Variants in DHRSX observed in about 807,000 individuals in gnomAD.
DHRSX encodes the protein dehydrogenase/reductase X-linked.
Under a neutral mutation model 34.0 loss-of-function variants are expected in DHRSX, and 31 were observed. The observed-to-expected ratio is 0.91, with a 90% CI of 0.69 to 1.23. DHRSX has a LOEUF of 1.23. Among genes scored for constraint, DHRSX ranks in the 50% most tolerant of loss-of-function variants. The pLI is 0.00. For synonymous variants in DHRSX, 201 were observed against 183.8 expected (o/e 1.09, Z -0.76); for missense variants, 414 against 428.1 (o/e 0.97, Z 0.29).
chrX:2,448,991 C>T (rs1056771991), intron 1 of DHRSX, among the ~76,000 whole-genome samples: 1 of 152,144 alleles, frequency 6.6e-6, no homozygotes, highest in African/African-American at 2.4e-5. Flanking sequence ...GAGTTCCAGA[C>T]TGGCCTGACC....
intron 3 of DHRSX, among the ~76,000 whole-genome samples, chrX:2,303,776 G>GATGGATAA (rs2042045702): frequency 4.6e-5 from 3 of 64,636 alleles, no homozygotes; most frequent in Admixed American, 3.0e-4. Context: ...TGGATAAATG[G>GATGGATAA]ATGGATGGAT....
chrX:2,431,064 G>T (rs528197329), intron 1 of DHRSX, among the ~76,000 whole-genome samples: 3 of 151,638 alleles, frequency 2.0e-5, no homozygotes, highest in African/African-American at 4.8e-5. Context: ...GGTGGCTCAT[G>T]CCTGTAATCC....
At chrX:2,327,713 T>C (rs1473529601) in intron 3 of DHRSX, among the ~76,000 whole-genome samples, 1 of 152,116 alleles carries the variant, frequency 6.6e-6, no homozygotes, top group Non-Finnish European at 1.5e-5. Flanking sequence ...GGAGATAGTC[T>C]TTAAAGAGGT....
At chrX:2,371,906 C>G (rs1210861018) in intron 3 of DHRSX, among the ~76,000 whole-genome samples, 1 of 152,206 alleles carries the variant, frequency 6.6e-6, no homozygotes, top group African/African-American at 2.4e-5. Flanking sequence ...GAGTAGCACT[C>G]TCTGCAGGAA....
intron 3 of DHRSX, among the ~76,000 whole-genome samples, chrX:2,379,984 C>T (rs942292985): frequency 3.3e-5 from 5 of 151,968 alleles, no homozygotes; most frequent in Admixed American, 6.6e-5. Flanking sequence ...TTCCAAAATC[C>T]TGGATGGATT....
chrX:2,293,693 G>C (rs1380608868), intron 3 of DHRSX, among the ~76,000 whole-genome samples: 3 of 152,122 alleles, frequency 2.0e-5, no homozygotes, highest in Admixed American at 6.6e-5. Context: ...AGGGCTGCTG[G>C]TGGTCAGTGT....
intron 5 of DHRSX, among the ~76,000 whole-genome samples, chrX:2,249,979 C>T (rs1467684839): frequency 1.3e-5 from 2 of 151,526 alleles, no homozygotes; most frequent in East Asian, 4.0e-4. Flanking sequence ...CTGGCTAACA[C>T]GGTGAAACCC....
At chrX:2,437,824 T>C (rs1380711394) in intron 1 of DHRSX, among the ~76,000 whole-genome samples, 1 of 151,804 alleles carries the variant, frequency 6.6e-6, no homozygotes, top group East Asian at 1.9e-4. Context: ...TTTCCTGATA[T>C]GCAGTGTAAC....
chrX:2,252,539 A>G (rs2016457086), intron 5 of DHRSX, among the ~76,000 whole-genome samples: 1 of 152,186 alleles, frequency 6.6e-6, no homozygotes, highest in South Asian at 2.1e-4. Flanking sequence ...ATTGATGGGT[A>G]AGAGGAATGG....
chrX:2,249,555 G>A (rs1488500146), intron 5 of DHRSX, among the ~76,000 whole-genome samples: 16 of 113,684 alleles, frequency 1.4e-4, no homozygotes, highest in African/African-American at 5.1e-4. Context: ...ACAGAGTCTC[G>A]CTCTGTAGCC....
At chrX:2,421,369 G>T (rs1490460514) in intron 2 of DHRSX, among the ~76,000 whole-genome samples, 1 of 152,186 alleles carries the variant, frequency 6.6e-6, no homozygotes, top group Non-Finnish European at 1.5e-5. Context: ...GACAGAGTGA[G>T]ACGCTGTCTC....
chrX:2,318,400 G>T (rs192397510), intron 3 of DHRSX, among the ~76,000 whole-genome samples: 53 of 151,974 alleles, frequency 3.5e-4, no homozygotes, highest in African/African-American at 1.2e-3. Context: ...CATGACCACT[G>T]GCATGAGAGG....
intron 3 of DHRSX, among the ~76,000 whole-genome samples, chrX:2,294,344 G>A (rs2041904550): frequency 6.6e-6 from 1 of 152,100 alleles, no homozygotes; most frequent in African/African-American, 2.4e-5. Flanking sequence ...AGGACTTTGA[G>A]ACCAGCTTGG....
intron 4 of DHRSX, among the ~76,000 whole-genome samples, chrX:2,269,553 TGAG>T (rs1451539658): frequency 8.5e-5 from 13 of 152,334 alleles, no homozygotes; most frequent in Non-Finnish European, 1.9e-4. Flanking sequence ...ATTTATTTTT[TGAG>T]GAGGAGTTTC....
chrX:2,358,132 G>C (rs1477538303), intron 3 of DHRSX, among the ~76,000 whole-genome samples: 1 of 152,130 alleles, frequency 6.6e-6, no homozygotes, highest in East Asian at 1.9e-4. Context: ...TTGAGAAACG[G>C]AGTTAGCTAA....
intron 3 of DHRSX, among the ~76,000 whole-genome samples, chrX:2,404,121 C>A (rs1235941499): frequency 1.3e-5 from 2 of 152,120 alleles, no homozygotes; most frequent in Non-Finnish European, 2.9e-5. Context: ...TGGTTGAATG[C>A]CTTCAGGACA....
intron 1 of DHRSX, among the ~76,000 whole-genome samples, chrX:2,465,683 C>G (rs1321310085): frequency 6.6e-6 from 1 of 151,598 alleles, no homozygotes; most frequent in Non-Finnish European, 1.5e-5. Flanking sequence ...GGGGCAGGCA[C>G]TTACAATCCC....
chrX:2,265,435 A>G (rs1158722131), intron 5 of DHRSX, among the ~76,000 whole-genome samples: 6 of 126,258 alleles, frequency 4.8e-5, no homozygotes, highest in Admixed American at 7.6e-5. Context: ...CCAGAGCACC[A>G]GTGTCCAGCA....
intron 5 of DHRSX, among the ~76,000 whole-genome samples, chrX:2,243,796 T>TTTTG (rs1556430346): frequency 1.5e-5 from 1 of 66,642 alleles, no homozygotes; most frequent in Non-Finnish European, 2.8e-5. Flanking sequence ...CTGTTTTTTT[T>TTTTG]TTTTTTTTTT....
Sources: allele counts gnomAD v4.1 joint callset (sites outside exome capture counted in the v4.1 genomes callset), GRCh38; gene constraint gnomAD v4.1.1; transcripts MANE v1.5; gene names NCBI Gene and HGNC (gene_info 2026-07-23, HGNC 2026-07-21).